BCAS3: variants seen among roughly 807,000 people sequenced by gnomAD.
BCAS3 encodes BCAS4/BCAS3 fusion.
BCAS3 carries 53 observed loss-of-function variants against 116.1 expected under a neutral mutation model. The observed-to-expected ratio is 0.46, with a 90% CI of 0.37 to 0.57. The LOEUF is 0.57. Ranked by LOEUF, BCAS3 falls within the 20% of genes least tolerant of loss-of-function variation. The pLI is 0.00. For missense variants in BCAS3, 917 were observed against 1,165.4 expected, an observed-to-expected ratio of 0.79 and a Z score of 3.10; for synonymous variants, 391 against 408.2, an observed-to-expected ratio of 0.96 and a Z score of 0.51.
rs185080871 is a variant in BCAS3 at position 60,794,929 on chromosome 17, A to G, written c.404-13075A>G. ...ATGAATTTTAGAATTGTTTTTTCTA[A>G]TTCTGTGAAGAGTGATGGTGGTATT... On this transcript the variant is annotated intron_variant, in intron 6 of 23. Transcript: ENST00000407086. Among the ~76,000 whole-genome samples, 460 of 152,196 alleles carry G rather than the reference A, an allele frequency of 3.0e-3. 2 individuals are homozygous for G. Among genetic ancestry groups the G allele is most frequent in the Middle Eastern group, 0.014 (4 of 294 alleles).
At position 60,955,003 on chromosome 17, in the gene BCAS3, TCTC is replaced by T. The variant is rs554445176; in HGVS notation, c.1221+7652_1221+7654del. Among the ~76,000 whole-genome samples, 79 of 152,338 alleles carry T rather than the reference TCTC, an allele frequency of 5.2e-4. 1 individual carries two copies. In the South Asian group the frequency reaches 0.012, roughly 23 times the overall value. On this transcript the variant is annotated intron_variant, in intron 14 of 23. Coordinates refer to ENST00000407086, the MANE Select transcript of BCAS3 (RefSeq NM_017679.5). ...TCCTTATCTAGGTGGAATCAATTCT[TCTC>T]TTCCTTGTGTTACTCATTTTACGCC...
chr17:61,271,750 C>T (rs1264718390), intron 22 of BCAS3, among the ~76,000 whole-genome samples: 2 of 152,054 alleles, frequency 1.3e-5, no homozygotes, highest in South Asian at 2.1e-4. Context: ...AGCCATCACA[C>T]TCGGCCCCAA....
chr17:61,210,061 A>T (rs2081366236), intron 22 of BCAS3, among the ~76,000 whole-genome samples: 1 of 152,214 alleles, frequency 6.6e-6, no homozygotes, highest in South Asian at 2.1e-4. Flanking sequence ...CACGCAGGGA[A>T]GTTCTGCAGA....
At chr17:60,976,441 ATT>A (rs111599193) in intron 14 of BCAS3, among the ~76,000 whole-genome samples, 54 of 128,858 alleles carry the variant, frequency 4.2e-4, no homozygotes, top group East Asian at 2.4e-3. Flanking sequence ...ATATATATAT[ATT>A]TTTTTTTTAG....
At chr17:60,996,479 C>G (rs2063844134) in intron 15 of BCAS3, among the ~76,000 whole-genome samples, 1 of 152,070 alleles carries the variant, frequency 6.6e-6, no homozygotes, top group African/African-American at 2.4e-5. Flanking sequence ...ACCTAAACAT[C>G]TAGAAGGATA....
In BCAS3 at chr17:61,388,256, C is replaced by T. The variant is rs1397600409; in HGVS notation, c.2594-3721C>T. On this transcript the variant is annotated intron_variant, in intron 23 of 23. Transcript: ENST00000407086. The surrounding 1 kb of genome is among the most constrained non-coding windows in gnomAD (Gnocchi z 6.5). ...AACTGCAGTCTGTTTCCCTGTCCTC[C>T]TCCAGCAACCCACCTGCATGGGGTC... 1 of 219,472 alleles carries T rather than the reference C, an allele frequency of 4.6e-6. No homozygotes were observed. The highest frequency in any genetic ancestry group is 5.3e-5 in the Admixed American group (1 of 18,888). 13.6% of individuals were successfully genotyped at this position (219,472 alleles called of 1,614,324 possible). A position where few individuals can be genotyped will look rare whatever the true frequency, so the allele number is the denominator to read the frequency against.
Position 60,910,526 on chromosome 17 carries a change from G to A in BCAS3, c.823-6G>A. 3.1e-6 allele frequency: 5 copies of A among 1,598,388 alleles called. No homozygotes were observed. Among genetic ancestry groups the A allele is most frequent in the Non-Finnish European group, 4.3e-6 (5 of 1,172,758 alleles). ...GAAGTCATACATTTTACCTTTCATT[G>A]TACAGACATTGAAAAGTGGCCTGAC... On this transcript the variant is annotated splice_polypyrimidine_tract_variant and splice_region_variant and intron_variant, in intron 11 of 23. Transcript: ENST00000407086.
In BCAS3 at chr17:61,034,753, A is replaced by G. The variant is rs1377888458; in HGVS notation, c.1725A>G (p.Ser575=). The G allele has an allele frequency of 1.2e-6, 2 of 1,612,874 alleles. No homozygotes were observed. The highest frequency in any genetic ancestry group is 2.2e-5 in the South Asian group (2 of 90,846). ...CTGCTATCTTCGGAACATCCAGGTC[A>G]TGGTTTGCAAATAATGCAGGTCTGA... is the stretch of plus-strand genomic sequence containing the variant. ...CVAAIFGTSR[S]WFANNAGLKR... The change falls in exon 17 of 24, where the codon TCA becomes TCG. Residue 575 remains serine (S), a synonymous_variant. Transcript: ENST00000407086. This position sits in a 1 kb window ranked among gnomAD's most constrained non-coding sequence, Gnocchi z 5.0.
chr17:61,010,559 T>C (rs2065043481), intron 15 of BCAS3, among the ~76,000 whole-genome samples: 1 of 151,946 alleles, frequency 6.6e-6, no homozygotes, highest in African/African-American at 2.4e-5. Flanking sequence ...CGAAAGTGAA[T>C]GGTTCTGGTG....
At chr17:60,692,632 G>T (rs2035001459) in intron 4 of BCAS3, among the ~76,000 whole-genome samples, 1 of 149,424 alleles carries the variant, frequency 6.7e-6, no homozygotes, top group African/African-American at 2.6e-5. Flanking sequence ...TACTCAGGAG[G>T]CTGAGGCAGG....
intron 7 of BCAS3, chr17:60,810,847 A>C: frequency 2.8e-6 from 2 of 702,412 alleles, no homozygotes; most frequent in Non-Finnish European, 5.2e-6. Flanking sequence ...ACAAGCCCAG[A>C]CTGCCAGCTC....
rs990133495 is a variant in BCAS3, at chr17:61,144,875, T to C, written c.2425+60311T>C. ...TGCTAAGATTCGCAGATTAAGATCA[T>C]TATAGCATTTGAGTAGGCCCTCAGT... On this transcript the variant is annotated intron_variant, in intron 22 of 23. Transcript: ENST00000407086. The surrounding 1 kb of genome is among the most constrained non-coding windows in gnomAD (Gnocchi z 5.0). Among the ~76,000 whole-genome samples the C allele has an allele frequency of 6.6e-6, 1 of 152,232 alleles. No homozygotes were observed. The highest frequency in any genetic ancestry group is 2.4e-5 in the African/African-American group (1 of 41,460).
chr17:61,377,284 C>T lies in BCAS3; in HGVS notation c.2593+8790C>T, dbSNP rs1351301448. ...AGTCCCACCAGCAGGTCACAAGCAT[C>T]CCTACTCGGGACAAGAGGGAGCAGC... On this transcript the variant is annotated intron_variant, in intron 23 of 23. Transcript: ENST00000407086. The surrounding 1 kb of genome is among the most constrained non-coding windows in gnomAD (Gnocchi z 4.6). 6.6e-6 allele frequency among the ~76,000 whole-genome samples: 1 copy of T among 152,234 alleles called. No homozygotes were observed. The highest frequency in any genetic ancestry group is 1.5e-5 in the Non-Finnish European group (1 of 68,034).
intron 7 of BCAS3, among the ~76,000 whole-genome samples, chr17:60,858,322 C>T (rs1465840757): frequency 6.6e-6 from 1 of 151,786 alleles, no homozygotes; most frequent in Admixed American, 6.6e-5. Flanking sequence ...GTGCTCCATA[C>T]CTTCCTCCTT....
chr17:60,816,057 G>A lies in BCAS3; in HGVS notation c.476+7981G>A, dbSNP rs551861334. The stretch of plus-strand genomic sequence containing the variant: ...ACTGTACCTGGGTATTTACATTTTC[G>A]TAGCCAGTTGGGTACAAAACCTTAG... On this transcript the variant is annotated intron_variant, in intron 7 of 23. Transcript: ENST00000407086. Among the ~76,000 whole-genome samples the A allele has an allele frequency of 1.3e-4, 19 of 151,876 alleles. No individual in the cohort carries two copies. In the East Asian group the frequency reaches 2.7e-3, roughly 22 times the overall value.
At chr17:61,038,674 T>G (rs111253813) in intron 18 of BCAS3, among the ~76,000 whole-genome samples, 1,377 of 134,910 alleles carry the variant, frequency 0.01, 9 homozygotes, top group South Asian at 0.017. Context: ...TTTTGTTTTT[T>G]TTTTTTTTTT....
intron 6 of BCAS3, among the ~76,000 whole-genome samples, chr17:60,799,994 A>G (rs1410682154): frequency 6.6e-6 from 1 of 152,134 alleles, no homozygotes; most frequent in Non-Finnish European, 1.5e-5. Flanking sequence ...GTTGAGGGAC[A>G]TCCAGGGGTG....
At chr17:60,985,048 G>A (rs577196871) in intron 14 of BCAS3, among the ~76,000 whole-genome samples, 87 of 150,412 alleles carry the variant, frequency 5.8e-4, no homozygotes, top group African/African-American at 1.9e-3. Context: ...TTTTAATACG[G>A]GCATACAATG....
rs142155554 is a variant in BCAS3, at chr17:60,687,571, TCCAGCCGGGGTGACAGAA to T, written c.139-2110_139-2093del. Among the ~76,000 whole-genome samples the T allele has an allele frequency of 5.5e-3, 836 of 152,152 alleles. 5 individuals are homozygous for T. The highest frequency in any genetic ancestry group is 0.019 in the African/African-American group (795 of 41,510). ...GTGAGCTGAGATCATACCACTGCACTCCAGCCGGGGTGACAGAACCAGACCCTGTCTCGAGAAATACAA... is the reference window on the plus strand; with the variant it reads ...GTGAGCTGAGATCATACCACTGCACTCCAGACCCTGTCTCGAGAAATACAA... On this transcript the variant is annotated intron_variant, in intron 3 of 23. Transcript: ENST00000407086.
Sources: gnomAD v4.1 joint callset for allele counts (sites outside exome capture counted in the v4.1 genomes callset) on GRCh38, gnomAD v4.1.1 for gene constraint, Gnocchi (gnomAD v3.1) non-coding constraint, MANE v1.5 for transcripts, NCBI Gene and HGNC (gene_info 2026-07-23, HGNC 2026-07-21) for gene names.